NEU3: variants seen among roughly 807,000 people sequenced by gnomAD.
The protein encoded by NEU3 is neuraminidase 3.
NEU3 carries 10 observed loss-of-function variants against 11.4 expected under a neutral mutation model. The observed-to-expected ratio is 0.88, with a 90% confidence interval of 0.54 to 1.49. The LOEUF is 1.49. NEU3 is among the 40% of genes most tolerant of loss of function. The pLI, the probability that NEU3 is intolerant of heterozygous loss-of-function variation, is 0.00. For synonymous variants in NEU3, 212 were observed against 228.2 expected, an observed-to-expected ratio of 0.93 and a Z score of 0.64; for missense variants, 529 against 581.8, an observed-to-expected ratio of 0.91 and a Z score of 0.93.
At chr11:74,998,394 A>C (rs1948813365) in intron 2 of NEU3, among the ~76,000 whole-genome samples, 1 of 152,202 alleles carries the variant, frequency 6.6e-6, no homozygotes, top group Non-Finnish European at 1.5e-5. Flanking sequence ...CAGTAGAGCA[A>C]AGTGCAATAA....
At chr11:75,013,437 C>A (rs913577271), downstream of NEU3, among the ~76,000 whole-genome samples, 4 of 152,218 alleles carry the variant, frequency 2.6e-5, no homozygotes, top group Non-Finnish European at 5.9e-5. Context: ...GGGAGGAAGG[C>A]AGGGCCCACT....
chr11:75,002,559 T>C (rs185465920), intron 2 of NEU3, among the ~76,000 whole-genome samples: 55 of 152,338 alleles, frequency 3.6e-4, no homozygotes, highest in African/African-American at 1.3e-3. Context: ...TTTTAAAAAC[T>C]TTTAAAAATG....
intron 2 of NEU3, among the ~76,000 whole-genome samples, chr11:75,002,038 A>G (rs1041500060): frequency 1.3e-5 from 2 of 152,206 alleles, no homozygotes; most frequent in Non-Finnish European, 2.9e-5. Flanking sequence ...GATAACCCTT[A>G]TGGTCCATAA....
chr11:75,020,666 T>A (rs1319480959), downstream of NEU3, among the ~76,000 whole-genome samples: 1 of 152,230 alleles, frequency 6.6e-6, no homozygotes, highest in Non-Finnish European at 1.5e-5. Context: ...TAAACCTCTT[T>A]CTTTTGTAAA....
chr11:75,004,312 G>A (rs1244623463), intron 2 of NEU3: 12 of 678,332 alleles, frequency 1.8e-5, no homozygotes, highest in South Asian at 1.6e-5. Flanking sequence ...TAGAGATGGG[G>A]TTTTGCCATG....
chr11:75,017,706 A>G (rs1948987148), intron 3 of NEU3, among the ~76,000 whole-genome samples: 1 of 152,058 alleles, frequency 6.6e-6, no homozygotes, highest in Non-Finnish European at 1.5e-5. Flanking sequence ...TGGGCCTGTG[A>G]GCCAGGCTGA....
chr11:74,987,786 C>G (rs1948682137), upstream of NEU3, among the ~76,000 whole-genome samples: 1 of 151,580 alleles, frequency 6.6e-6, no homozygotes, highest in South Asian at 2.1e-4. Context: ...GCACTCCAGC[C>G]TGGGCGGCAG....
upstream of NEU3, among the ~76,000 whole-genome samples, chr11:74,983,815 A>C (rs1047044567): frequency 3.3e-5 from 5 of 152,224 alleles, no homozygotes; most frequent in African/African-American, 1.2e-4. Context: ...AATACATCCC[A>C]CTGTGACTGG....
chr11:74,990,374 T>G (rs77926423), intron 1 of NEU3, among the ~76,000 whole-genome samples: 1 of 152,078 alleles, frequency 6.6e-6, no homozygotes, highest in Non-Finnish European at 1.5e-5. Context: ...CTTTTTTTTT[T>G]GAGATGGAGT....
downstream of NEU3, among the ~76,000 whole-genome samples, chr11:75,012,244 C>T (rs961067930): frequency 2.0e-5 from 3 of 152,178 alleles, no homozygotes; most frequent in African/African-American, 7.2e-5. Context: ...CAGGCATCTT[C>T]TGACCATCAG....
intron 1 of NEU3, among the ~76,000 whole-genome samples, chr11:74,990,697 C>T (rs1948722641): frequency 6.6e-6 from 1 of 152,142 alleles, no homozygotes; most frequent in African/African-American, 2.4e-5. Context: ...CCGCTCCATG[C>T]CTATCCTGTG....
chr11:75,004,813 G>A (rs1437695723), intron 2 of NEU3, among the ~76,000 whole-genome samples: 1 of 152,108 alleles, frequency 6.6e-6, no homozygotes, highest in Non-Finnish European at 1.5e-5. Flanking sequence ...TGTAGTACAG[G>A]AGGGAAAAAA....
chr11:75,013,422 AAG>A (rs897015848), downstream of NEU3, among the ~76,000 whole-genome samples: 11 of 152,232 alleles, frequency 7.2e-5, no homozygotes, highest in African/African-American at 2.4e-5. Flanking sequence ...GTGATGCAGA[AAG>A]AGGGGAGGAA....
chr11:75,012,613 G>A (rs1948963641), downstream of NEU3, among the ~76,000 whole-genome samples: 1 of 152,188 alleles, frequency 6.6e-6, no homozygotes, highest in Admixed American at 6.5e-5. Context: ...TGCACACAAT[G>A]TAATATATCA....
chr11:75,006,450 C>T lies in NEU3; in HGVS notation c.1344C>T (p.Cys448=), dbSNP rs1281299396. The part of the protein sequence containing the change: ...REILSHLQGD[C]TSPGRNPSQF... ...TCCTGAGTCACCTGCAGGGGGACTG[C>T]ACCAGCCCTGGTAGGAACCCAAGCC... Residue 448 remains cysteine (C), a synonymous_variant, in exon 3 of 3, where the codon TGC becomes TGT. Transcript: ENST00000294064. 6.2e-7 allele frequency: 1 copy of T among 1,613,672 alleles called. No homozygotes were observed. The highest frequency in any genetic ancestry group is 1.1e-5 in the South Asian group (1 of 91,042).
downstream of NEU3, among the ~76,000 whole-genome samples, chr11:75,011,961 G>A (rs1317989080): frequency 1.3e-5 from 2 of 152,122 alleles, no homozygotes; most frequent in South Asian, 2.1e-4. Context: ...CTTTGGTTAC[G>A]TTGTATGCAG....
chr11:74,995,012 A>G (rs1948774781), intron 2 of NEU3: 2 of 584,864 alleles, frequency 3.4e-6, no homozygotes. Context: ...AGCTATAATA[A>G]AGCAGTAGAA....
At chr11:75,016,588 G>A (rs1948982471) in intron 3 of NEU3, among the ~76,000 whole-genome samples, 1 of 152,168 alleles carries the variant, frequency 6.6e-6, no homozygotes, top group Admixed American at 6.5e-5. Flanking sequence ...TGGGACTTAA[G>A]TATTTGTTGA....
chr11:74,995,770 G>T (rs12271960), intron 2 of NEU3, among the ~76,000 whole-genome samples: 5,441 of 148,708 alleles, frequency 0.037, 93 homozygotes, highest in African/African-American at 0.04. Flanking sequence ...TCAGGGTGGT[G>T]GTTGCTGAAG....
Sources: gnomAD v4.1 joint callset for allele counts (sites outside exome capture counted in the v4.1 genomes callset) on GRCh38, gnomAD v4.1.1 for gene constraint, MANE v1.5 for transcripts, NCBI Gene and HGNC (gene_info 2026-07-23, HGNC 2026-07-21) for gene names.